The following IDH3B variants were observed in gnomAD, a reference collection of about 807,000 sequenced individuals.
The protein encoded by IDH3B is isocitrate dehydrogenase (NAD(+)) 3 non-catalytic subunit beta.
IDH3B carries 40 observed loss-of-function variants against 47.5 expected under a neutral mutation model. The ratio of observed to expected loss-of-function variants is 0.84; its 90% confidence interval spans 0.65 to 1.10. The LOEUF (loss-of-function observed/expected upper bound fraction) is 1.10. Ranked by LOEUF, IDH3B falls within the 50% of genes least tolerant of loss-of-function variation. The pLI is 0.00. For synonymous variants in IDH3B, 185 were observed against 191.0 expected (o/e 0.97, Z 0.26); for missense variants, 450 against 505.2 (o/e 0.89, Z 1.05).
In IDH3B at chr20:2,659,524, C is replaced by T. The variant is rs774011443; in HGVS notation, c.1071+1G>A. ...AGCCAGCACTACTCTTCTCAACTCA[C>T]CTTGCCAACTTTGATCACCTTCTTC... On this transcript the variant is annotated splice_donor_variant, in intron 11 of 11. Coordinates refer to ENST00000380843, the MANE Select transcript of IDH3B (RefSeq NM_006899.5). LOFTEE classifies it high-confidence loss of function. 3 of 1,614,156 alleles carry T rather than the reference C, an allele frequency of 1.9e-6. No individual in the cohort carries two copies. Among genetic ancestry groups the T allele is most frequent in the Non-Finnish European group, 2.5e-6 (3 of 1,179,962 alleles).
chr20:2,659,111 T>C, intron 11 of IDH3B: 2 of 1,193,068 alleles, frequency 1.7e-6, no homozygotes, highest in Non-Finnish European at 2.1e-6. Flanking sequence ...GTGGCTACCT[T>C]CCTTGGAAGA....
chr20:2,662,730 A>G (rs1286619793), intron 4 of IDH3B, among the ~76,000 whole-genome samples: 1 of 152,136 alleles, frequency 6.6e-6, no homozygotes, highest in Non-Finnish European at 1.5e-5. Flanking sequence ...CAAGGCGGGC[A>G]GATCACAAGG....
chr20:2,659,679 G>A lies in IDH3B; in HGVS notation c.1010+20C>T, dbSNP rs201659256. 198 of 1,611,690 alleles carry A rather than the reference G, an allele frequency of 1.2e-4. No individual in the cohort carries two copies. The highest frequency in any genetic ancestry group is 1.0e-3 in the East Asian group (45 of 44,844). ...CTCCTCACGACACCCAACCTCTGCC[G>A]ACAGCCTCCCATGACCTACTTAAGA... On this transcript the variant is annotated intron_variant, in intron 10 of 11. Transcript: ENST00000380843.
intron 2 of IDH3B, 40 bp downstream of exon 2, chr20:2,663,885 A>C: frequency 6.2e-7 from 1 of 1,605,420 alleles, no homozygotes; most frequent in Non-Finnish European, 8.5e-7. Flanking sequence ...CGAGGAAGGG[A>C]CAGGGTCGTA....
chr20:2,660,979 C>T lies in IDH3B; in HGVS notation c.338-10G>A. The stretch of plus-strand genomic sequence containing the variant: ...GGGGTATGAATCTTTCCTGTGAAAA[C>T]AAAGTGGGAAAAGGAGTGTCAGCCA... On this transcript the variant is annotated splice_polypyrimidine_tract_variant and intron_variant, in intron 4 of 11. Coordinates refer to ENST00000380843, the MANE Select transcript of IDH3B (RefSeq NM_006899.5). The surrounding 1 kb of genome is among the most constrained non-coding windows in gnomAD (Gnocchi z 5.6). 1 of 1,613,852 alleles carries T rather than the reference C, an allele frequency of 6.2e-7. No individual in the cohort carries two copies. The highest frequency in any genetic ancestry group is 1.1e-5 in the South Asian group (1 of 91,042).
chr20:2,660,882 A>C lies in IDH3B; in HGVS notation c.398+27T>G, dbSNP rs200506846. 5.6e-6 allele frequency: 9 copies of C among 1,614,030 alleles called. No individual in the cohort carries two copies. The African/African-American group carries it at 1.2e-4, about 22-fold the overall frequency. On this transcript the variant is annotated intron_variant, in intron 5 of 11. Coordinates refer to ENST00000380843, the MANE Select transcript of IDH3B (RefSeq NM_006899.5). The surrounding 1 kb of genome is among the most constrained non-coding windows in gnomAD (Gnocchi z 5.6). ...GCTCCTGGTGCCCTGGCACCTCTCA[A>C]CCATTCACCCCACCCAGACCACCTA...
At position 2,663,529 on chromosome 20, in the gene IDH3B, A is replaced by C. The variant is rs752179858; in HGVS notation, c.254T>G (p.Leu85Arg). Reference protein sequence around the residue: ...AVPVEFQEHHLSEVQNMASEE... With the variant: ...AVPVEFQEHHRSEVQNMASEE... ...AGATGCCATATTCTGCACCTCACTCAGGTGGTGCTCCTGGAACTCCACTGG... is the reference window on the plus strand; with the variant it reads ...AGATGCCATATTCTGCACCTCACTCCGGTGGTGCTCCTGGAACTCCACTGG... The change falls in exon 4 of 12, where the codon CTG becomes CGG. Residue 85 changes from leucine to arginine, a missense_variant. Physicochemically the swap from Leu to Arg is moderately radical, Grantham distance 102. Coordinates refer to ENST00000380843, the MANE Select transcript of IDH3B (RefSeq NM_006899.5). 1.2e-6 allele frequency: 2 copies of C among 1,614,042 alleles called. No homozygotes were observed. Among genetic ancestry groups the C allele is most frequent in the Non-Finnish European group, 1.7e-6 (2 of 1,179,912 alleles).
intron 11 of IDH3B, 125 bp from the exon 12 acceptor site, chr20:2,658,962 A>T: frequency 6.9e-7 from 1 of 1,440,538 alleles, no homozygotes; most frequent in South Asian, 1.3e-5. Flanking sequence ...GGCAATGCAC[A>T]GGAATGGAAG....
At position 2,660,468 on chromosome 20, in the gene IDH3B, C is replaced by T; in HGVS notation, c.654G>A (p.Lys218=). Residue 218 remains lysine, a synonymous_variant, in exon 7 of 12, where the codon AAG becomes AAA. Coordinates refer to ENST00000380843, the MANE Select transcript of IDH3B (RefSeq NM_006899.5). This position sits in a 1 kb window ranked among gnomAD's most constrained non-coding sequence, Gnocchi z 5.6. ...GCCATGCCCCTCACATGATGTTGGC[C>T]TTGTGGACAGCAGTGACCTTGCCCC... The part of the protein sequence containing the change: ...KGRGKVTAVH[K]ANIMKLGDGL... The T allele has an allele frequency of 1.2e-6, 2 of 1,613,968 alleles. No homozygotes were observed. The highest frequency in any genetic ancestry group is 1.7e-6 in the Non-Finnish European group (2 of 1,179,978).
chr20:2,658,746 G>C lies in IDH3B; in HGVS notation c.*5C>G, dbSNP rs372940358. On this transcript the variant is annotated 3_prime_UTR_variant, in exon 12 of 12. Coordinates refer to ENST00000380843, the MANE Select transcript of IDH3B (RefSeq NM_006899.5). ...TCCTTGCAAGGTTGGAAGAAATAAA[G>C]GGCTCTAGCTCCCTTTAGTCTGCAG... 13 of 1,614,040 alleles carry C rather than the reference G, an allele frequency of 8.1e-6. No individual in the cohort carries two copies. The African/African-American group carries it at 1.3e-4, about 17-fold the overall frequency.
chr20:2,659,014 T>G (rs1225386130), intron 11 of IDH3B, 177 bp from the exon 12 acceptor site: 2 of 1,274,888 alleles, frequency 1.6e-6, no homozygotes, highest in Admixed American at 7.5e-5. Context: ...CCACTCCTCT[T>G]AAGCCACTAT....
At position 2,663,749 on chromosome 20, in the gene IDH3B, C is replaced by A. The variant is rs370105557; in HGVS notation, c.127G>T (p.Val43Leu). Reference protein sequence around the residue: ...HAASRSQAEDVRVEGSFPVTM... With the variant: ...HAASRSQAEDLRVEGSFPVTM... The stretch of plus-strand genomic sequence containing the variant: ...ACGGGAAAGGAGCCCTCCACCCTCA[C>A]GTCCTCGGCCTCAATTGGGGGAAGA... Residue 43 changes from valine to leucine, a missense_variant, in exon 3 of 12, where the codon GTG becomes TTG. By Grantham distance (32) the Val-to-Leu change is conservative (BLOSUM62 1). Coordinates refer to ENST00000380843, the MANE Select transcript of IDH3B (RefSeq NM_006899.5). 89 of 1,614,026 alleles carry A rather than the reference C, an allele frequency of 5.5e-5. No homozygotes were observed. The highest frequency in any genetic ancestry group is 7.4e-5 in the Non-Finnish European group (87 of 1,180,024).
At chr20:2,659,005 C>T in intron 11 of IDH3B, 168 bp from the exon 12 acceptor site, 1 of 1,277,742 alleles carries the variant, frequency 7.8e-7, no homozygotes, top group Admixed American at 3.4e-5. Context: ...ATGGACCTGC[C>T]ACTCCTCTTA....
chr20:2,658,512 G>A lies in IDH3B; in HGVS notation c.*239C>T. ...GCAAGTAGCATAGCCACCCATGTCAGAGGTTCGAACCTGTGGGGGAGAATC... is the reference window on the plus strand; with the variant it reads ...GCAAGTAGCATAGCCACCCATGTCAAAGGTTCGAACCTGTGGGGGAGAATC... On this transcript the variant is annotated 3_prime_UTR_variant, in exon 12 of 12. Transcript: ENST00000380843. 6.2e-7 allele frequency: 1 copy of A among 1,614,046 alleles called. No individual in the cohort carries two copies. Among genetic ancestry groups the A allele is most frequent in the Non-Finnish European group, 8.5e-7 (1 of 1,179,984 alleles).
At position 2,658,839 on chromosome 20, in the gene IDH3B, T is replaced by TA; in HGVS notation, c.1072-3dup. On this transcript the variant is annotated splice_polypyrimidine_tract_variant and splice_region_variant and intron_variant, in intron 11 of 11. Coordinates refer to ENST00000380843, the MANE Select transcript of IDH3B (RefSeq NM_006899.5). ...GCCGCCCATGTCTCGAGTCCGCACC[T>TA]ACAGCCACCACCGGCAACAGCCGTG... 1 of 1,614,066 alleles carries TA rather than the reference T, an allele frequency of 6.2e-7. No individual in the cohort carries two copies. The highest frequency in any genetic ancestry group is 1.7e-5 in the Admixed American group (1 of 60,020).
In IDH3B at chr20:2,660,105, C is replaced by T. The variant is rs1233469993; in HGVS notation, c.840G>A (p.Leu280=). Residue 280 remains leucine (L), a synonymous_variant, in exon 9 of 12, where the codon CTG becomes CTA. Coordinates refer to ENST00000380843, the MANE Select transcript of IDH3B (RefSeq NM_006899.5). The surrounding 1 kb of genome is among the most constrained non-coding windows in gnomAD (Gnocchi z 5.6). The part of the protein sequence containing the change: ...PNLYGNIIDN[L]AAGLVGGAGV... ...CAGCTCCCCCAACCAGGCCAGCAGC[C>T]AGATTGTCAATAATGTTCCCATAGA... The T allele has an allele frequency of 6.2e-7, 1 of 1,614,030 alleles. No homozygotes were observed. Among genetic ancestry groups the T allele is most frequent in the Non-Finnish European group, 8.5e-7 (1 of 1,180,038 alleles).
Position 2,660,970 on chromosome 20 carries a change from C to T in IDH3B, c.338-1G>A. ...TACTCCATCGGGGTATGAATCTTTC[C>T]TGTGAAAACAAAGTGGGAAAAGGAG... On this transcript the variant is annotated splice_acceptor_variant, in intron 4 of 11. Transcript: ENST00000380843. LOFTEE classifies it high-confidence loss of function. The surrounding 1 kb of genome is among the most constrained non-coding windows in gnomAD (Gnocchi z 5.6). 1 of 1,614,010 alleles carries T rather than the reference C, an allele frequency of 6.2e-7. No individual in the cohort carries two copies. The highest frequency in any genetic ancestry group is 8.5e-7 in the Non-Finnish European group (1 of 1,179,960).
intron 9 of IDH3B, 97 bp from the exon 10 acceptor site, chr20:2,659,890 C>T: frequency 7.0e-7 from 1 of 1,431,954 alleles, no homozygotes; most frequent in East Asian, 2.3e-5. Flanking sequence ...GGAGCTCAGG[C>T]CAGGGTCACT....
In IDH3B at chr20:2,658,457, G is replaced by A. The variant is rs1298723036; in HGVS notation, c.*294C>T. The stretch of plus-strand genomic sequence containing the variant: ...TGGACAGGGCCTATGGGTGGGGCAA[G>A]GCAGCAATGACAGCCTCAGTGAAGT... On this transcript the variant is annotated 3_prime_UTR_variant, in exon 12 of 12. Transcript: ENST00000380843. 6.2e-7 allele frequency: 1 copy of A among 1,614,176 alleles called. No individual in the cohort carries two copies.
Sources: allele counts gnomAD v4.1 joint callset (sites outside exome capture counted in the v4.1 genomes callset), GRCh38; gene constraint gnomAD v4.1.1; non-coding constraint Gnocchi (gnomAD v3.1); transcripts MANE v1.5; gene names NCBI Gene and HGNC (gene_info 2026-07-23, HGNC 2026-07-21).